The following DLG5 variants were observed in gnomAD, a reference collection of about 807,000 sequenced individuals.
DLG5 encodes discs large MAGUK scaffold protein 5, also known as disks large homolog 5.
In DLG5, 48 loss-of-function variants were observed where a neutral mutation model predicts 189.8. That is an observed-to-expected ratio of 0.25 (90% CI 0.20 to 0.32). DLG5 has a LOEUF of 0.32. Among genes scored for constraint, DLG5 ranks in the 10% least tolerant of loss-of-function variants. The probability of loss-of-function intolerance (pLI) is 1.00; values close to 1 mark genes in which losing one functional copy is unlikely to be tolerated. For synonymous variants in DLG5, 1,016 were observed against 1,054.1 expected, an observed-to-expected ratio of 0.96 and a Z score of 0.70; for missense variants, 2,160 against 2,544.7, an observed-to-expected ratio of 0.85 and a Z score of 3.25.
chr10:77,839,855 GA>G, intron 7 of DLG5, among the ~76,000 whole-genome samples: 1 of 152,292 alleles, frequency 6.6e-6, no homozygotes, highest in East Asian at 1.9e-4. Context: ...AGGGTCTGGA[GA>G]AGTCTTGGTG....
chr10:77,796,017 G>T lies in DLG5; in HGVS notation c.5436+44C>A, dbSNP rs766638187. ...AGGGGCCTAGACCTGTGCACAGGAGGTCTAATACTGGATGCCTAATCCTCA... is the reference window on the plus strand; with the variant it reads ...AGGGGCCTAGACCTGTGCACAGGAGTTCTAATACTGGATGCCTAATCCTCA... On this transcript the variant is annotated intron_variant, in intron 29 of 31. Coordinates refer to ENST00000372391, the MANE Select transcript of DLG5 (RefSeq NM_004747.4). The surrounding 1 kb of genome is among the most constrained non-coding windows in gnomAD (Gnocchi z 5.2). 1.9e-6 allele frequency: 3 copies of T among 1,613,802 alleles called. No homozygotes were observed. The highest frequency in any genetic ancestry group is 1.1e-5 in the South Asian group (1 of 91,058).
chr10:77,817,188 A>C, intron 18 of DLG5, 92 bp from the exon 19 acceptor site: 1 of 1,173,638 alleles, frequency 8.5e-7, no homozygotes, highest in Non-Finnish European at 1.3e-6. Context: ...AGGATAATAA[A>C]TGCAAAGCTG....
At chr10:77,922,465 G>A (rs57574641) in intron 1 of DLG5, among the ~76,000 whole-genome samples, 20 of 152,168 alleles carry the variant, frequency 1.3e-4, no homozygotes, top group African/African-American at 3.1e-4. Context: ...AAAGGTGTTC[G>A]CTTGTTCCCC....
chr10:77,794,758 C>T (rs931057277), intron 30 of DLG5, 91 bp downstream of exon 30: 5 of 966,694 alleles, frequency 5.2e-6, no homozygotes, highest in Admixed American at 2.1e-5. Context: ...CATTCCTCAA[C>T]CCCCCACCCC....
intron 27 of DLG5, 130 bp downstream of exon 27, chr10:77,805,535 C>T: frequency 9.3e-7 from 1 of 1,080,390 alleles, no homozygotes. Context: ...CCAAGCCGAA[C>T]ACACACCTTC....
Position 77,835,773 on chromosome 10 carries a change from C to A in DLG5, c.1587G>T (p.Glu529Asp). The A allele has an allele frequency of 6.2e-7, 1 of 1,613,628 alleles. No individual in the cohort carries two copies. Among genetic ancestry groups the A allele is most frequent in the Non-Finnish European group, 8.5e-7 (1 of 1,179,934 alleles). Reference sequence around the variant, plus strand: ...CACGCTCTGCTACAATCTTGTCTCGCTCCTGGAAGGCCCAGTCCCGCCGGC... The same window carrying A: ...CACGCTCTGCTACAATCTTGTCTCGATCCTGGAAGGCCCAGTCCCGCCGGC... ...AKCRRDWAFQ[E>D]RDKIVAERDS... Residue 529 changes from glutamate to aspartate, a missense_variant, in exon 8 of 32, where the codon GAG (glutamate) becomes GAT (aspartate). Glu to Asp is a conservative substitution (Grantham distance 45). Transcript: ENST00000372391.
At chr10:77,809,967 G>A (rs948268843) in intron 23 of DLG5, among the ~76,000 whole-genome samples, 15 of 152,248 alleles carry the variant, frequency 9.9e-5, no homozygotes, top group African/African-American at 2.6e-4. Context: ...AGTCAAAACC[G>A]TAAATCAGTG....
chr10:77,940,144 C>T, the DLG5 span, among the ~76,000 whole-genome samples: 1 of 152,178 alleles, frequency 6.6e-6, no homozygotes, highest in Non-Finnish European at 1.5e-5. Flanking sequence ...TGGAGGAAGC[C>T]AGATGTGCTC....
intron 1 of DLG5, among the ~76,000 whole-genome samples, chr10:77,904,762 T>C (rs1430756901): frequency 7.8e-6 from 1 of 127,504 alleles, no homozygotes; most frequent in African/African-American, 3.9e-5. Flanking sequence ...CATCCTGTTC[T>C]TCCAAATAAA....
chr10:77,879,158 G>A (rs1845197324), intron 1 of DLG5, among the ~76,000 whole-genome samples: 1 of 152,170 alleles, frequency 6.6e-6, no homozygotes, highest in African/African-American at 2.4e-5. Flanking sequence ...GAGGAGATGT[G>A]GCTATTGTAC....
intron 2 of DLG5, among the ~76,000 whole-genome samples, chr10:77,865,206 G>A (rs944687941): frequency 4.6e-5 from 7 of 152,160 alleles, no homozygotes; most frequent in Non-Finnish European, 1.0e-4. Context: ...CGTGTTCACC[G>A]TGATCCCTAT....
At chr10:77,834,432 G>A (rs1391639892) in intron 8 of DLG5, among the ~76,000 whole-genome samples, 1 of 152,116 alleles carries the variant, frequency 6.6e-6, no homozygotes, top group African/African-American at 2.4e-5. Flanking sequence ...GCAGGCCTGT[G>A]CTCCAGCACT....
chr10:77,856,796 G>C lies in DLG5; in HGVS notation c.470C>G (p.Thr157Ser), dbSNP rs746612016. ...CTTGCGGAGCTCGTTTCTCTCCCGG[G>C]TCATCAGCCGCAGCTGAATGGAGAG... Reference protein sequence around the residue: ...ENLSIQLRLMTRERNELRKRL... With the variant: ...ENLSIQLRLMSRERNELRKRL... Residue 157 changes from threonine to serine, a missense_variant, in exon 3 of 32, where the codon ACC becomes AGC. Thr to Ser is a moderately conservative substitution (Grantham distance 58). Coordinates refer to ENST00000372391, the MANE Select transcript of DLG5 (RefSeq NM_004747.4). 1.2e-6 allele frequency: 2 copies of C among 1,613,390 alleles called. No individual in the cohort carries two copies. Among genetic ancestry groups the C allele is most frequent in the Non-Finnish European group, 1.7e-6 (2 of 1,180,024 alleles).
intron 17 of DLG5, 134 bp downstream of exon 17, chr10:77,819,187 C>G (rs1378021337): frequency 7.6e-7 from 1 of 1,309,842 alleles, no homozygotes; most frequent in South Asian, 1.3e-5. Context: ...TTTCCCTGTG[C>G]TGCTCTAGCC....
rs552398989 is a variant in DLG5 at position 77,856,946 on chromosome 10, G to A, written c.374-54C>T. On this transcript the variant is annotated intron_variant, in intron 2 of 31. Transcript: ENST00000372391. Reference sequence around the variant, plus strand: ...TGTGTTCATCTGGCATTCACGAGGCGCCCGGTGCTGTCCTGAGCTGTTGGC... The same window carrying A: ...TGTGTTCATCTGGCATTCACGAGGCACCCGGTGCTGTCCTGAGCTGTTGGC... 25 of 1,545,194 alleles carry A rather than the reference G, an allele frequency of 1.6e-5. No homozygotes were observed. In the East Asian group the frequency reaches 3.2e-4, roughly 20 times the overall value.
the DLG5 span, among the ~76,000 whole-genome samples, chr10:77,940,171 A>T: frequency 6.6e-6 from 1 of 152,306 alleles, no homozygotes; most frequent in African/African-American, 2.4e-5. Flanking sequence ...CCAGTCACAT[A>T]GGATGTCCCG....
In DLG5 at chr10:77,869,164, G is replaced by A; in HGVS notation, c.338C>T (p.Ser113Leu). 1 of 1,613,944 alleles carries A rather than the reference G, an allele frequency of 6.2e-7. No homozygotes were observed. Among genetic ancestry groups the A allele is most frequent in the East Asian group, 2.2e-5 (1 of 44,864 alleles). The change falls in exon 2 of 32, where the codon TCA becomes TTA. Residue 113 changes from serine to leucine, a missense_variant. By Grantham distance (145) the Ser-to-Leu change is moderately radical (BLOSUM62 -2). Coordinates refer to ENST00000372391, the MANE Select transcript of DLG5 (RefSeq NM_004747.4). ...STYSVLSTMPSDSESSSSLSS... is the reference protein window; with the variant it reads ...STYSVLSTMPLDSESSSSLSS... Reference sequence around the variant, plus strand: ...GAGGGAGCTGCTGCTTTCTGAGTCTGAGGGCATGGTGGACAGGACGCTGTA... The same window carrying A: ...GAGGGAGCTGCTGCTTTCTGAGTCTAAGGGCATGGTGGACAGGACGCTGTA...
chr10:77,865,337 C>T (rs896232902), intron 2 of DLG5, among the ~76,000 whole-genome samples: 2 of 152,120 alleles, frequency 1.3e-5, no homozygotes, highest in Non-Finnish European at 2.9e-5. Context: ...GGTCACAGGG[C>T]GTCAGTGGCA....
intron 2 of DLG5, among the ~76,000 whole-genome samples, chr10:77,861,134 T>C (rs1248642): frequency 0.74 from 112,639 of 152,062 alleles, 42,654 homozygotes; most frequent in African/African-American, 0.9. Flanking sequence ...CAGGATGGAA[T>C]CTTTAGAAAA....
Sources: gnomAD v4.1 joint callset for allele counts (sites outside exome capture counted in the v4.1 genomes callset) on GRCh38, gnomAD v4.1.1 for gene constraint, Gnocchi (gnomAD v3.1) non-coding constraint, MANE v1.5 for transcripts, NCBI Gene and HGNC (gene_info 2026-07-23, HGNC 2026-07-21) for gene names.